Variants in MAP4K3 observed in about 807,000 individuals in gnomAD.
MAP4K3 encodes the protein mitogen-activated protein kinase kinase kinase kinase 3, also known as MAPK/ERK kinase kinase kinase 3.
A neutral mutation model predicts 143.5 loss-of-function variants in MAP4K3; 94 were observed. The ratio of observed to expected loss-of-function variants is 0.65; its 90% CI spans 0.55 to 0.78. MAP4K3 has a LOEUF of 0.78. MAP4K3 is among the 30% of genes least tolerant of loss of function. The pLI is 0.00. For missense variants in MAP4K3, 1,077 were observed against 1,068.1 expected (o/e 1.01, Z -0.12); for synonymous variants, 416 against 347.2 (o/e 1.20, Z -2.20).
chr2:39,258,275 T>C, intron 31 of MAP4K3, 73 bp downstream of exon 31: 1 of 985,646 alleles, frequency 1.0e-6, no homozygotes, highest in Non-Finnish European at 1.5e-6. Context: ...TATCAATCTT[T>C]AATTTTGGAT....
intron 2 of MAP4K3, among the ~76,000 whole-genome samples, chr2:39,359,007 C>T (rs1178395793): frequency 2.6e-5 from 4 of 152,146 alleles, no homozygotes; most frequent in Non-Finnish European, 5.9e-5. Context: ...CAACAGTCCC[C>T]CAAAGTCTTA....
chr2:39,388,493 G>A (rs555800249), intron 1 of MAP4K3, among the ~76,000 whole-genome samples: 14 of 152,280 alleles, frequency 9.2e-5, no homozygotes, highest in African/African-American at 3.4e-4. Flanking sequence ...TCAAGCCATG[G>A]CCTTAGATTA....
intron 15 of MAP4K3, among the ~76,000 whole-genome samples, chr2:39,304,292 A>C (rs1682615306): frequency 6.6e-6 from 1 of 152,198 alleles, no homozygotes; most frequent in Non-Finnish European, 1.5e-5. Context: ...ATGTTTATGT[A>C]GCAAGGTCTT....
intron 13 of MAP4K3, among the ~76,000 whole-genome samples, chr2:39,309,939 C>T (rs1209119537): frequency 3.3e-5 from 5 of 152,110 alleles, no homozygotes; most frequent in Non-Finnish European, 7.4e-5. Flanking sequence ...ATGCTACCAT[C>T]AACCACACAC....
At chr2:39,281,492 C>T (rs940592356) in intron 22 of MAP4K3, among the ~76,000 whole-genome samples, 12 of 152,084 alleles carry the variant, frequency 7.9e-5, no homozygotes, top group African/African-American at 2.7e-4. Flanking sequence ...ACCCTAATAA[C>T]GACCTTTTAA....
At chr2:39,333,269 C>A (rs138882455) in intron 7 of MAP4K3, among the ~76,000 whole-genome samples, 1 of 152,096 alleles carries the variant, frequency 6.6e-6, no homozygotes, top group African/African-American at 2.4e-5. Context: ...AAGTCACATT[C>A]CTGGGTTTAG....
At chr2:39,385,197 C>A (rs748120487) in intron 1 of MAP4K3, among the ~76,000 whole-genome samples, 2 of 152,044 alleles carry the variant, frequency 1.3e-5, no homozygotes, top group Non-Finnish European at 2.9e-5. Context: ...TAGATAAATA[C>A]CCAGGAGTGT....
chr2:39,286,704 T>C, intron 21 of MAP4K3, 148 bp downstream of exon 21: 2 of 403,774 alleles, frequency 5.0e-6, no homozygotes, highest in East Asian at 3.7e-5. Flanking sequence ...AAATAATCTA[T>C]TCACCATTAT....
intron 1 of MAP4K3, among the ~76,000 whole-genome samples, chr2:39,434,564 C>T (rs940769530): frequency 3.3e-5 from 5 of 152,216 alleles, no homozygotes; most frequent in African/African-American, 1.2e-4. Context: ...GTGGCTACAA[C>T]TCAAATGCTA....
In MAP4K3 at chr2:39,292,779, G is replaced by A. The variant is rs1682101964; in HGVS notation, c.1265C>T (p.Ser422Phe). 6.2e-7 allele frequency: 1 copy of A among 1,612,820 alleles called. No homozygotes were observed. The highest frequency in any genetic ancestry group is 8.5e-7 in the Non-Finnish European group (1 of 1,179,136). Residue 422 changes from serine to phenylalanine, a missense_variant, in exon 18 of 34, where the codon TCT (serine) becomes TTT (phenylalanine). By Grantham distance (155) the Ser-to-Phe change is radical. Coordinates refer to ENST00000263881, the MANE Select transcript of MAP4K3 (RefSeq NM_003618.4). Reference sequence around the variant, plus strand: ...AAACAGAGACAGAACTTACTGTTTAGATTCATCATCATCTCCTTCATCATC... The same window carrying A: ...AAACAGAGACAGAACTTACTGTTTAAATTCATCATCATCTCCTTCATCATC... ...LEDDEGDDDE[S>F]KHSTLKAKIP...
At position 39,286,880 on chromosome 2, in the gene MAP4K3, A is replaced by G. The variant is rs751963891; in HGVS notation, c.1559T>C (p.Leu520Pro). 1.6e-5 allele frequency: 26 copies of G among 1,606,950 alleles called. No homozygotes were observed. The East Asian group carries it at 4.9e-4, about 30-fold the overall frequency. ...QQQNEHRGTN[L>P]SRKEKKDVPK... ...TACATCTTTCTTTTCTTTTCTTGAA[A>G]GGTTTGTGCCTCTATGTTCATTCTG... The change falls in exon 21 of 34, where the codon CTT becomes CCT. Residue 520 changes from leucine to proline, a missense_variant. This residue lies in a region of MAP4K3 where 864 missense variants were observed against 801.2 expected (regional missense o/e 1.08). Transcript: ENST00000263881.
chr2:39,373,657 T>A (rs1311864109), intron 2 of MAP4K3, among the ~76,000 whole-genome samples: 2 of 152,108 alleles, frequency 1.3e-5, no homozygotes. Context: ...GAACTGGAAG[T>A]CATTATGTTA....
At chr2:39,260,112 T>C (rs944983675) in intron 29 of MAP4K3, among the ~76,000 whole-genome samples, 1 of 152,218 alleles carries the variant, frequency 6.6e-6, no homozygotes, top group Non-Finnish European at 1.5e-5. Flanking sequence ...CAATGTTTGC[T>C]TGATTTAGTT....
chr2:39,417,093 G>A (rs1380362803), intron 1 of MAP4K3, among the ~76,000 whole-genome samples: 2 of 152,112 alleles, frequency 1.3e-5, no homozygotes, highest in Non-Finnish European at 2.9e-5. Context: ...TTAAAAATAC[G>A]AGAACTGTTT....
rs184518265 is a variant in MAP4K3 at position 39,370,280 on chromosome 2, C to A, written c.154+7786G>T. Among the ~76,000 whole-genome samples the A allele has an allele frequency of 1.2e-4, 18 of 152,240 alleles. No homozygotes were observed. In the East Asian group the frequency reaches 1.7e-3, roughly 15 times the overall value. ...GAGTGACTAAGCTATCCATGATTAA[C>A]CTTTGAAGAATAATTATCATGAATG... On this transcript the variant is annotated intron_variant, in intron 2 of 33. Transcript: ENST00000263881.
chr2:39,413,916 C>T (rs1158402422), intron 1 of MAP4K3, among the ~76,000 whole-genome samples: 1 of 151,976 alleles, frequency 6.6e-6, no homozygotes, highest in African/African-American at 2.4e-5. Flanking sequence ...TACATTATTC[C>T]TTTCCTCCTC....
intron 15 of MAP4K3, among the ~76,000 whole-genome samples, chr2:39,301,756 G>A (rs1324738390): frequency 6.6e-6 from 1 of 152,196 alleles, no homozygotes; most frequent in Non-Finnish European, 1.5e-5. Flanking sequence ...GGGCGCAGTG[G>A]CTCACACCTG....
chr2:39,341,216 T>C lies in MAP4K3; in HGVS notation c.310+2172A>G, dbSNP rs575389181. ...GACTGACAGAAGGTTCTAATAACCA[T>C]AGAAGCTAAAAGACAATGGCCCACC... On this transcript the variant is annotated intron_variant, in intron 4 of 33. Transcript: ENST00000263881. Among the ~76,000 whole-genome samples the C allele has an allele frequency of 2.8e-4, 42 of 152,236 alleles. No homozygotes were observed. In the East Asian group the frequency reaches 7.1e-3, roughly 26 times the overall value.
At chr2:39,260,017 T>C (rs1289583349) in intron 29 of MAP4K3, among the ~76,000 whole-genome samples, 6 of 152,200 alleles carry the variant, frequency 3.9e-5, no homozygotes, top group Non-Finnish European at 8.8e-5. Context: ...ATACCAATAA[T>C]ATACACAGGA....
Sources: allele counts gnomAD v4.1 joint callset (sites outside exome capture counted in the v4.1 genomes callset), GRCh38; gene constraint gnomAD v4.1.1; regional missense constraint gnomAD v4.1.1; transcripts MANE v1.5; gene names NCBI Gene and HGNC (gene_info 2026-07-23, HGNC 2026-07-21).